The following FANCD2 variants were observed in gnomAD, a reference collection of about 807,000 sequenced individuals.
The protein encoded by FANCD2 is FA complementation group D2.
Under a neutral mutation model 192.3 loss-of-function variants are expected in FANCD2, and 131 were observed. The observed-to-expected ratio is 0.68, with a 90% CI of 0.59 to 0.79. The LOEUF is 0.79. Among genes scored for constraint, FANCD2 ranks in the 30% least tolerant of loss-of-function variants. The pLI is 0.00. For missense variants in FANCD2, 1,508 were observed against 1,701.6 expected (o/e 0.89, Z 2.00); for synonymous variants, 524 against 612.5 (o/e 0.86, Z 2.13).
chr3:10,074,590 C>T lies in FANCD2; in HGVS notation c.2776C>T (p.Arg926Ter), dbSNP rs748180733. The change falls in exon 29 of 44, where the codon CGA (arginine) becomes TGA (stop). Residue 926 changes from arginine (R) to a stop codon, truncating the protein, a stop_gained. Coordinates refer to ENST00000675286, the MANE Select transcript of FANCD2 (RefSeq NM_001018115.3). LOFTEE classifies it high-confidence loss of function. ...ACTACATAATTCCCATGCTTTTTTCCGAGAGCTGGACATTGAGGTCTTCTC... is the reference window on the plus strand; with the variant it reads ...ACTACATAATTCCCATGCTTTTTTCTGAGAGCTGGACATTGAGGTCTTCTC... ...LLLHNSHAFF[R>*]ELDIEVFSIL... 1.7e-5 allele frequency: 27 copies of T among 1,613,498 alleles called. No individual in the cohort carries two copies. Among genetic ancestry groups the T allele is most frequent in the African/African-American group, 2.7e-5 (2 of 74,856 alleles).
chr3:10,037,382 C>T (rs2086758473), intron 7 of FANCD2, among the ~76,000 whole-genome samples: 1 of 152,078 alleles, frequency 6.6e-6, no homozygotes, highest in Non-Finnish European at 1.5e-5. Flanking sequence ...AATAGGCATG[C>T]TTGTACGTTG....
At chr3:10,051,784 GA>G (rs1273586127) in intron 17 of FANCD2, among the ~76,000 whole-genome samples, 3 of 152,098 alleles carry the variant, frequency 2.0e-5, no homozygotes, top group Non-Finnish European at 2.9e-5. Flanking sequence ...TTTTTCCTCA[GA>G]CAAACCATGA....
At position 10,081,627 on chromosome 3, in the gene FANCD2, A is replaced by C. The variant is rs568071088; in HGVS notation, c.3224+163A>C. 5.6e-6 allele frequency: 4 copies of C among 718,292 alleles called. No homozygotes were observed. The African/African-American group carries it at 7.0e-5, about 13-fold the overall frequency. 44.5% of individuals were successfully genotyped at this position (718,292 alleles called of 1,614,324 possible). ...GTTTTTGTCTGTATTATTTCATTTG[A>C]TCTTGTACCCTCTGAGTCCTTTGGA... On this transcript the variant is annotated intron_variant, in intron 32 of 43. Transcript: ENST00000675286.
At chr3:10,080,161 C>T (rs968507312) in intron 30 of FANCD2, among the ~76,000 whole-genome samples, 4 of 152,142 alleles carry the variant, frequency 2.6e-5, no homozygotes, top group East Asian at 1.9e-4. Flanking sequence ...GATCCACCCG[C>T]CTTGGCCTCC....
chr3:10,098,900 A>G (rs773341870), intron 43 of FANCD2, 85 bp downstream of exon 43: 4 of 1,614,196 alleles, frequency 2.5e-6, no homozygotes, highest in South Asian at 2.2e-5. Context: ...AACTTTGCCT[A>G]CTTATGTTTA....
rs1695255259 is a variant in FANCD2 at position 10,100,796 on chromosome 3, G to GC, written c.4282-391dup. Reference sequence around the variant, plus strand: ...TAAAATTATGCAAATTGGGCCGGGCGCAATGGCTCACGCCTGTAATCCTAG... The same window carrying GC: ...TAAAATTATGCAAATTGGGCCGGGCGCCAATGGCTCACGCCTGTAATCCTAG... On this transcript the variant is annotated intron_variant, in intron 43 of 43. Transcript: ENST00000675286. 3.3e-5 allele frequency among the ~76,000 whole-genome samples: 5 copies of GC among 152,306 alleles called. No homozygotes were observed. In the South Asian group the frequency reaches 8.3e-4, roughly 25 times the overall value.
chr3:10,097,546 G>A (rs1391117630), intron 42 of FANCD2, among the ~76,000 whole-genome samples: 1 of 152,244 alleles, frequency 6.6e-6, no homozygotes, highest in Non-Finnish European at 1.5e-5. Context: ...CTCACCGGCG[G>A]TCAGAGTTTA....
intron 33 of FANCD2, 131 bp from the exon 34 acceptor site, chr3:10,087,003 C>T (rs756604077): frequency 3.8e-5 from 38 of 999,084 alleles, no homozygotes; most frequent in Non-Finnish European, 5.7e-5. Context: ...TACTAAAGCA[C>T]CTGAAAATAA....
intron 41 of FANCD2, 62 bp downstream of exon 41, chr3:10,095,336 G>T: frequency 7.5e-7 from 1 of 1,332,562 alleles, no homozygotes; most frequent in Admixed American, 1.8e-5. Flanking sequence ...AGTTGCTATT[G>T]GGGGATCCAT....
chr3:10,074,543 A>G lies in FANCD2; in HGVS notation c.2729A>G (p.Lys910Arg). ...ACTTCCCCATAGGAGTTCACAGGGA[A>G]GGAAGAAAAGACATCATTGTTACTA... is the stretch of plus-strand genomic sequence containing the variant. ...RGQLNKEFTG[K>R]EEKTSLLLHN... The change falls in exon 29 of 44, where the codon AAG becomes AGG. Residue 910 changes from lysine to arginine, a missense_variant. Lys to Arg is a conservative substitution (Grantham distance 26). This residue lies in a region of FANCD2 where 796 missense variants were observed against 879.4 expected (regional missense o/e 0.91). Coordinates refer to ENST00000675286, the MANE Select transcript of FANCD2 (RefSeq NM_001018115.3). The G allele has an allele frequency of 6.2e-7, 1 of 1,613,684 alleles. No individual in the cohort carries two copies. The highest frequency in any genetic ancestry group is 1.1e-5 in the South Asian group (1 of 91,062).
Position 10,052,475 on chromosome 3 carries a change from A to G in FANCD2, c.1634A>G (p.Asn545Ser), listed in dbSNP as rs145522204. Residue 545 changes from asparagine (N) to serine (S), a missense_variant, in exon 18 of 44, where the codon AAT becomes AGT. Around this residue, in one of 5 missense-constraint regions of FANCD2, gnomAD observed 110 missense variants for 114.4 expected, o/e 0.96. Coordinates refer to ENST00000675286, the MANE Select transcript of FANCD2 (RefSeq NM_001018115.3). ...VLSTLAFSKQNEASSHIQDDM... is the reference protein window; with the variant it reads ...VLSTLAFSKQSEASSHIQDDM... ...AGCACACTGGCATTTAGCAAACAGAATGAAGCCAGCAGCCACATCCAGGTA... is the reference window on the plus strand; with the variant it reads ...AGCACACTGGCATTTAGCAAACAGAGTGAAGCCAGCAGCCACATCCAGGTA... 11,153 of 1,611,800 alleles carry G rather than the reference A, an allele frequency of 6.9e-3. 50 individuals carry two copies. Among genetic ancestry groups the G allele is most frequent in the Non-Finnish European group, 8.5e-3 (10,023 of 1,179,430 alleles).
At chr3:10,077,830 G>A (rs1011972808) in intron 29 of FANCD2, among the ~76,000 whole-genome samples, 3 of 151,916 alleles carry the variant, frequency 2.0e-5, no homozygotes, top group African/African-American at 7.3e-5. Flanking sequence ...AGGAGTTTGA[G>A]ACCAGCTTGG....
intron 42 of FANCD2, among the ~76,000 whole-genome samples, chr3:10,097,897 G>A (rs1392742503): frequency 8.5e-5 from 13 of 152,134 alleles, no homozygotes; most frequent in Admixed American, 7.9e-4. Flanking sequence ...CACAATCCAC[G>A]TTCTTCTGTC....
rs1231972897 is a variant in FANCD2 at position 10,099,143 on chromosome 3, G to T, written c.4281+328G>T. The T allele has an allele frequency of 4.0e-5, 58 of 1,464,206 alleles. No individual in the cohort carries two copies. In the East Asian group the frequency reaches 1.4e-3, roughly 36 times the overall value. The allele number at this position is 1,464,206 out of a possible 1,614,324, so 90.7% of individuals were successfully genotyped here. On this transcript the variant is annotated intron_variant, in intron 43 of 43. Transcript: ENST00000675286. Reference sequence around the variant, plus strand: ...GAAGTCATCGAAGTATTTTCTGAGTGTTGAGAAGAATGAGTTAAACCATTT... The same window carrying T: ...GAAGTCATCGAAGTATTTTCTGAGTTTTGAGAAGAATGAGTTAAACCATTT...
chr3:10,054,378 CATATATAT>C (rs777872939), intron 18 of FANCD2, among the ~76,000 whole-genome samples: 4 of 94,698 alleles, frequency 4.2e-5, no homozygotes, highest in East Asian at 6.0e-4. Flanking sequence ...CGTGTATATA[CATATATAT>C]ATGTATATAC....
chr3:10,035,167 T>C lies in FANCD2; in HGVS notation c.378-6T>C. 6.3e-7 allele frequency: 1 copy of C among 1,593,712 alleles called. No homozygotes were observed. On this transcript the variant is annotated splice_region_variant and splice_polypyrimidine_tract_variant and intron_variant, in intron 5 of 43. Coordinates refer to ENST00000675286, the MANE Select transcript of FANCD2 (RefSeq NM_001018115.3). ...AGTGGAAAACAGATTTCTTTTTTTT[T>C]TACAGTATGGGTGCATCTTATTCTA... is the stretch of plus-strand genomic sequence containing the variant.
intron 15 of FANCD2, among the ~76,000 whole-genome samples, chr3:10,046,924 T>C (rs1299956812): frequency 1.3e-5 from 2 of 152,300 alleles, no homozygotes; most frequent in Non-Finnish European, 2.9e-5. Flanking sequence ...TTAAGTAGCT[T>C]ATAAAAACCT....
chr3:10,045,137 G>A (rs570180969), intron 14 of FANCD2, among the ~76,000 whole-genome samples: 16 of 141,288 alleles, frequency 1.1e-4, no homozygotes, highest in East Asian at 4.0e-4. Context: ...CTGAATACAC[G>A]CCCAATGTTT....
In FANCD2 at chr3:10,034,500, C is replaced by T; in HGVS notation, c.237C>T (p.Leu79=). 6.2e-7 allele frequency: 1 copy of T among 1,613,316 alleles called. No individual in the cohort carries two copies. ...ATCAAATAGCTTTCCAAAAGAAGCT[C>T]TTTCAGACCCTGAGGAGACACCCTT... is the stretch of plus-strand genomic sequence containing the variant. The part of the protein sequence containing the change: ...AVDQIAFQKK[L]FQTLRRHPSY... The change falls in exon 4 of 44, where the codon CTC becomes CTT. Residue 79 remains leucine, a synonymous_variant. Transcript: ENST00000675286.
Sources: allele counts gnomAD v4.1 joint callset (sites outside exome capture counted in the v4.1 genomes callset), GRCh38; gene constraint gnomAD v4.1.1; regional missense constraint gnomAD v4.1.1; transcripts MANE v1.5; gene names NCBI Gene and HGNC (gene_info 2026-07-23, HGNC 2026-07-21).